The following KCNIP4 variants were observed in gnomAD, a reference collection of about 807,000 sequenced individuals.
KCNIP4 encodes Kv channel-interacting protein 4.
KCNIP4 carries 12 observed loss-of-function variants against 34.0 expected under a neutral mutation model. The ratio of observed to expected loss-of-function variants is 0.35; its 90% CI spans 0.23 to 0.57. The LOEUF is 0.57. KCNIP4 is among the 20% of genes least tolerant of loss of function. The probability of loss-of-function intolerance (pLI) is 0.83; values close to 1 mark genes in which losing one functional copy is unlikely to be tolerated. For missense variants in KCNIP4, 238 were observed against 311.7 expected (o/e 0.76, Z 1.78); for synonymous variants, 124 against 102.2 (o/e 1.21, Z -1.29).
chr4:21,894,989 T>C (rs1183582667), intron 1 of KCNIP4, among the ~76,000 whole-genome samples: 71 of 152,174 alleles, frequency 4.7e-4, no homozygotes, highest in Non-Finnish European at 2.1e-4. Flanking sequence ...TGTTCTCTTA[T>C]CTCTTCTCTC....
At chr4:21,359,319 T>C (rs1431448599) in intron 1 of KCNIP4, among the ~76,000 whole-genome samples, 1 of 152,114 alleles carries the variant, frequency 6.6e-6, no homozygotes, top group Non-Finnish European at 1.5e-5. Context: ...ACCATTGGCA[T>C]CCTAGACTCT....
chr4:21,400,628 T>A (rs1000934290), intron 1 of KCNIP4, among the ~76,000 whole-genome samples: 2 of 151,868 alleles, frequency 1.3e-5, no homozygotes, highest in African/African-American at 2.4e-5. Flanking sequence ...AATTATGATG[T>A]TGTTTATCAA....
chr4:21,732,600 C>A (rs935955363), intron 1 of KCNIP4, among the ~76,000 whole-genome samples: 3 of 152,186 alleles, frequency 2.0e-5, no homozygotes, highest in Non-Finnish European at 4.4e-5. Context: ...CTACCCTTCA[C>A]TGATGCCTCC....
intron 1 of KCNIP4, among the ~76,000 whole-genome samples, chr4:21,198,479 A>G (rs1003101774): frequency 6.6e-6 from 1 of 152,200 alleles, no homozygotes; most frequent in African/African-American, 2.4e-5. Context: ...TTAGTACTTT[A>G]TAGACTTTTT....
chr4:21,825,026 CAA>C (rs1722590886), intron 1 of KCNIP4, among the ~76,000 whole-genome samples: 2 of 151,916 alleles, frequency 1.3e-5, no homozygotes, highest in Non-Finnish European at 1.5e-5. Flanking sequence ...ACCACTTTCA[CAA>C]AAAAAGCAAA....
chr4:21,570,460 C>G (rs1176110981), intron 1 of KCNIP4, among the ~76,000 whole-genome samples: 2 of 152,014 alleles, frequency 1.3e-5, no homozygotes. Context: ...ACAAAATATA[C>G]AATAGCTGTT....
chr4:21,319,738 C>T (rs1040364851), intron 1 of KCNIP4, among the ~76,000 whole-genome samples: 6 of 152,156 alleles, frequency 3.9e-5, no homozygotes, highest in African/African-American at 1.4e-4. Flanking sequence ...AAACAGACAT[C>T]AGTCAAAAAC....
intron 1 of KCNIP4, among the ~76,000 whole-genome samples, chr4:21,083,738 A>C (rs1360651555): frequency 2.6e-5 from 4 of 151,958 alleles, no homozygotes; most frequent in African/African-American, 9.7e-5. Flanking sequence ...CTAACTGAAG[A>C]GATAATAAAT....
chr4:20,825,023 C>T (rs1234122874), intron 3 of KCNIP4, among the ~76,000 whole-genome samples: 1 of 151,864 alleles, frequency 6.6e-6, no homozygotes, highest in Admixed American at 6.6e-5. Flanking sequence ...GAATGTGAAC[C>T]GAGGGATATT....
intron 1 of KCNIP4, among the ~76,000 whole-genome samples, chr4:21,249,976 A>AT (rs1760572797): frequency 6.6e-6 from 1 of 152,090 alleles, no homozygotes; most frequent in African/African-American, 2.4e-5. Flanking sequence ...ATTTCTGTGT[A>AT]TTTTTAATAA....
At chr4:21,181,552 T>C (rs1029414682) in intron 1 of KCNIP4, among the ~76,000 whole-genome samples, 1 of 152,126 alleles carries the variant, frequency 6.6e-6, no homozygotes, top group Non-Finnish European at 1.5e-5. Flanking sequence ...TGTACTCATA[T>C]GTTGAAAGGG....
At position 21,111,459 on chromosome 4, in the gene KCNIP4, AACC is replaced by A. The variant is rs199772474; in HGVS notation, c.62-228753_62-228751del. Among the ~76,000 whole-genome samples the A allele has an allele frequency of 5.6e-3, 854 of 152,336 alleles. 12 individuals are homozygous for A. Among genetic ancestry groups the A allele is most frequent in the African/African-American group, 0.02 (820 of 41,576 alleles). ...GAGTCAGGTATAGGAAGAATGTGGC[AACC>A]ATCTCCAAGTAAAACCCAGGAAGTA... On this transcript the variant is annotated intron_variant, in intron 1 of 8. Transcript: ENST00000382152.
At chr4:21,778,229 T>TCC (rs1719316548) in intron 1 of KCNIP4, among the ~76,000 whole-genome samples, 1 of 58,024 alleles carries the variant, frequency 1.7e-5, no homozygotes, top group Non-Finnish European at 3.6e-5. Context: ...TTTTCCTTTT[T>TCC]TTTTTTCTTT....
At chr4:20,828,827 A>G in intron 3 of KCNIP4, among the ~76,000 whole-genome samples, 1 of 152,226 alleles carries the variant, frequency 6.6e-6, no homozygotes, top group East Asian at 1.9e-4. Context: ...TGCTGGATGC[A>G]AGGACTAAAG....
At chr4:20,829,687 G>C (rs905096291) in intron 3 of KCNIP4, among the ~76,000 whole-genome samples, 1 of 152,126 alleles carries the variant, frequency 6.6e-6, no homozygotes. Flanking sequence ...TATTATCCTT[G>C]ATAATCACTA....
At chr4:21,695,282 C>T (rs547918297) in intron 1 of KCNIP4, among the ~76,000 whole-genome samples, 3 of 152,020 alleles carry the variant, frequency 2.0e-5, no homozygotes, top group Non-Finnish European at 4.4e-5. Flanking sequence ...CTGGATATCA[C>T]AAAATTTAGT....
At chr4:20,769,936 CAAGCCCACAAAG>C (rs1232025683) in intron 3 of KCNIP4, among the ~76,000 whole-genome samples, 1 of 152,170 alleles carries the variant, frequency 6.6e-6, no homozygotes, top group African/African-American at 2.4e-5. Context: ...GTGATTAGAT[CAAGCCCACAAAG>C]ATCATCTCTG....
intron 1 of KCNIP4, among the ~76,000 whole-genome samples, chr4:21,932,244 C>T (rs1229702639): frequency 2.0e-5 from 3 of 151,956 alleles, no homozygotes; most frequent in East Asian, 3.9e-4. Flanking sequence ...ATACATGTGT[C>T]GTGAGTGAAA....
At chr4:21,192,997 G>A (rs1294091921) in intron 1 of KCNIP4, among the ~76,000 whole-genome samples, 4 of 150,318 alleles carry the variant, frequency 2.7e-5, no homozygotes, top group Non-Finnish European at 4.4e-5. Flanking sequence ...CATGCCTGTC[G>A]TTCCAGCTAC....
Sources: gnomAD v4.1 joint callset for allele counts (sites outside exome capture counted in the v4.1 genomes callset) on GRCh38, gnomAD v4.1.1 for gene constraint, MANE v1.5 for transcripts, NCBI Gene and HGNC (gene_info 2026-07-23, HGNC 2026-07-21) for gene names.